MRPS27: variants seen among roughly 807,000 people sequenced by gnomAD.
MRPS27 encodes the protein small ribosomal subunit protein mS27.
In MRPS27, 43 loss-of-function variants were observed where a neutral mutation model predicts 48.9. The observed-to-expected ratio is 0.88, with a 90% CI of 0.69 to 1.13. MRPS27 has a LOEUF of 1.13. MRPS27 is among the 50% of genes most tolerant of loss of function. The pLI is 0.00. For synonymous variants in MRPS27, 188 were observed against 171.9 expected, an observed-to-expected ratio of 1.09 and a Z score of -0.73; for missense variants, 467 against 476.3, an observed-to-expected ratio of 0.98 and a Z score of 0.18.
intron 4 of MRPS27, among the ~76,000 whole-genome samples, chr5:72,258,515 G>T (rs544158806): frequency 1.3e-5 from 2 of 152,166 alleles, no homozygotes; most frequent in African/African-American, 4.8e-5. Flanking sequence ...ACACTGCTGG[G>T]AAGTGGGGGC....
At chr5:72,261,283 G>A (rs772685024) in intron 4 of MRPS27, among the ~76,000 whole-genome samples, 18 of 152,030 alleles carry the variant, frequency 1.2e-4, no homozygotes, top group Non-Finnish European at 2.2e-4. Context: ...ACGGAGTCTC[G>A]TTTTGTTGCC....
intron 4 of MRPS27, among the ~76,000 whole-genome samples, chr5:72,280,524 C>T (rs2112032661): frequency 6.6e-6 from 1 of 152,216 alleles, no homozygotes. Flanking sequence ...GCCCAGTTTT[C>T]TATATAAGAA....
chr5:72,223,306 T>C (rs1055503401), intron 10 of MRPS27, among the ~76,000 whole-genome samples: 1 of 152,344 alleles, frequency 6.6e-6, no homozygotes, highest in East Asian at 1.9e-4. Flanking sequence ...ACTGGGTTTT[T>C]AGGTTATCAA....
intron 4 of MRPS27, among the ~76,000 whole-genome samples, chr5:72,251,894 G>A (rs985082977): frequency 6.6e-6 from 1 of 152,076 alleles, no homozygotes; most frequent in African/African-American, 2.4e-5. Context: ...TTTCCATCAC[G>A]TGCCCACCAC....
At chr5:72,257,874 G>A (rs1748850750) in intron 4 of MRPS27, among the ~76,000 whole-genome samples, 1 of 152,066 alleles carries the variant, frequency 6.6e-6, no homozygotes, top group Admixed American at 6.5e-5. Context: ...CATGAGGTCA[G>A]GAGTTTGAGA....
At chr5:72,276,126 C>T (rs1749368682) in intron 4 of MRPS27, among the ~76,000 whole-genome samples, 2 of 151,686 alleles carry the variant, frequency 1.3e-5, no homozygotes, top group South Asian at 4.1e-4. Flanking sequence ...CAAAACAAAA[C>T]AAAAAGCTGG....
intron 4 of MRPS27, among the ~76,000 whole-genome samples, chr5:72,292,231 T>G (rs1032533383): frequency 5.1e-5 from 7 of 138,560 alleles, no homozygotes; most frequent in African/African-American, 1.6e-4. Flanking sequence ...TTTTGGCCAA[T>G]GAATATAGTT....
chr5:72,287,417 A>T (rs781609562), intron 4 of MRPS27, among the ~76,000 whole-genome samples: 20 of 152,244 alleles, frequency 1.3e-4, no homozygotes, highest in Non-Finnish European at 2.8e-4. Context: ...AGGTAGGCAG[A>T]TCACCTGAGG....
At chr5:72,250,360 T>C (rs894513691) in intron 4 of MRPS27, among the ~76,000 whole-genome samples, 74 of 152,222 alleles carry the variant, frequency 4.9e-4, no homozygotes, top group African/African-American at 1.7e-3. Context: ...TCAAGGTGCA[T>C]GACTTTTTGA....
At chr5:72,241,823 TC>T in intron 4 of MRPS27, 1 of 767,626 alleles carries the variant, frequency 1.3e-6, no homozygotes, top group Non-Finnish European at 2.1e-6. Flanking sequence ...ACTGTAGGAG[TC>T]CCCTCTGTGC....
chr5:72,273,231 T>A (rs773462118), intron 4 of MRPS27, among the ~76,000 whole-genome samples: 4 of 152,220 alleles, frequency 2.6e-5, no homozygotes, highest in Non-Finnish European at 4.4e-5. Flanking sequence ...CTTGCCAAAG[T>A]GGACCATCAC....
intron 5 of MRPS27, among the ~76,000 whole-genome samples, chr5:72,234,542 C>T (rs1381572443): frequency 6.6e-6 from 1 of 152,044 alleles, no homozygotes; most frequent in Non-Finnish European, 1.5e-5. Flanking sequence ...AGTGACTCTT[C>T]TTATAAAGTA....
intron 6 of MRPS27, among the ~76,000 whole-genome samples, chr5:72,233,149 T>C (rs1049773985): frequency 1.3e-5 from 2 of 152,136 alleles, no homozygotes; most frequent in Non-Finnish European, 2.9e-5. Flanking sequence ...AAATAATGAC[T>C]ATAAAAAGGA....
chr5:72,269,874 AG>A (rs999573783), intron 4 of MRPS27, among the ~76,000 whole-genome samples: 1 of 152,182 alleles, frequency 6.6e-6, no homozygotes, highest in Non-Finnish European at 1.5e-5. Context: ...ATAAAAAAAA[AG>A]ATTGATAAAT....
At chr5:72,312,271 T>C (rs546982711) in intron 2 of MRPS27, among the ~76,000 whole-genome samples, 2 of 152,350 alleles carry the variant, frequency 1.3e-5, no homozygotes, top group Admixed American at 6.5e-5. Context: ...ATTTTTCATA[T>C]AAGCAAAGTT....
chr5:72,307,295 C>A (rs932003367), intron 2 of MRPS27, among the ~76,000 whole-genome samples: 1 of 151,978 alleles, frequency 6.6e-6, no homozygotes, highest in Non-Finnish European at 1.5e-5. Context: ...GAGGTTTAAG[C>A]GAGCTGAGAT....
At chr5:72,306,959 CAGAA>C (rs1750285925) in intron 2 of MRPS27, among the ~76,000 whole-genome samples, 1 of 152,062 alleles carries the variant, frequency 6.6e-6, no homozygotes, top group South Asian at 2.1e-4. Flanking sequence ...TAAAAAGATT[CAGAA>C]AGAGTTAACG....
intron 2 of MRPS27, among the ~76,000 whole-genome samples, chr5:72,303,618 A>C (rs1351931387): frequency 1.3e-5 from 2 of 152,274 alleles, no homozygotes; most frequent in East Asian, 3.9e-4. Context: ...AGAAATTACA[A>C]AGAAAGAAAC....
chr5:72,311,999 G>C (rs1003524026), intron 2 of MRPS27, among the ~76,000 whole-genome samples: 16 of 152,270 alleles, frequency 1.1e-4, no homozygotes, highest in Admixed American at 9.1e-4. Context: ...GGGCGTGGTG[G>C]CGTGCGGCTG....
Sources: allele counts gnomAD v4.1 joint callset (sites outside exome capture counted in the v4.1 genomes callset), GRCh38; gene constraint gnomAD v4.1.1; transcripts MANE v1.5; gene names NCBI Gene and HGNC (gene_info 2026-07-23, HGNC 2026-07-21).